Variants in RASAL2 observed in about 807,000 individuals in gnomAD.
RASAL2 encodes ras GTPase-activating protein nGAP.
In RASAL2, 58 loss-of-function variants were observed where a neutral mutation model predicts 128.9. The ratio of observed to expected loss-of-function variants is 0.45; its 90% confidence interval spans 0.36 to 0.56. The LOEUF (loss-of-function observed/expected upper bound fraction) is 0.56. RASAL2 is among the 20% of genes least tolerant of loss of function. The pLI is 0.00. For synonymous variants in RASAL2, 561 were observed against 580.8 expected (o/e 0.97, Z 0.49); for missense variants, 1,360 against 1,601.6 (o/e 0.85, Z 2.57).
chr1:178,205,648 T>A (rs1336435124), intron 1 of RASAL2, among the ~76,000 whole-genome samples: 2 of 151,846 alleles, frequency 1.3e-5, no homozygotes, highest in Non-Finnish European at 2.9e-5. Context: ...TCCCAGCTAC[T>A]TGGGAGGCTG....
At chr1:178,464,032 G>C (rs887981057) in intron 14 of RASAL2, among the ~76,000 whole-genome samples, 4 of 152,244 alleles carry the variant, frequency 2.6e-5, no homozygotes, top group Non-Finnish European at 5.9e-5. Context: ...TTCTTTAGAG[G>C]GAGAATAAGG....
chr1:178,446,747 G>A (rs1677028947), intron 9 of RASAL2, among the ~76,000 whole-genome samples: 3 of 152,146 alleles, frequency 2.0e-5, no homozygotes, highest in South Asian at 4.1e-4. Context: ...ACCAAAAAGA[G>A]ACATTCTGTG....
At chr1:178,186,084 C>A (rs1044331574) in intron 1 of RASAL2, among the ~76,000 whole-genome samples, 1 of 151,998 alleles carries the variant, frequency 6.6e-6, no homozygotes, top group Non-Finnish European at 1.5e-5. Flanking sequence ...TTAAAGTTAT[C>A]TATTTCTTTT....
At chr1:178,320,113 A>G (rs907708772) in intron 3 of RASAL2, among the ~76,000 whole-genome samples, 119 of 152,000 alleles carry the variant, frequency 7.8e-4, no homozygotes, top group Admixed American at 2.9e-3. Context: ...CTCGGGGGTC[A>G]GGGGTCAGGG....
At chr1:178,336,147 G>A (rs1042227804) in intron 3 of RASAL2, among the ~76,000 whole-genome samples, 1 of 149,098 alleles carries the variant, frequency 6.7e-6, no homozygotes, top group African/African-American at 2.5e-5. Context: ...TTAGAAGTCT[G>A]TTTTCCTAGG....
At chr1:178,423,878 T>C (rs1305285381) in intron 5 of RASAL2, among the ~76,000 whole-genome samples, 1 of 152,214 alleles carries the variant, frequency 6.6e-6, no homozygotes, top group Non-Finnish European at 1.5e-5. Context: ...TTTTTATTAC[T>C]ACGGATAGTA....
chr1:178,406,124 A>G (rs1268905025), intron 4 of RASAL2, among the ~76,000 whole-genome samples: 1 of 152,210 alleles, frequency 6.6e-6, no homozygotes, highest in African/African-American at 2.4e-5. Flanking sequence ...TTTCCAAACC[A>G]TATGTCCACA....
chr1:178,299,126 T>C (rs1667648040), intron 2 of RASAL2, among the ~76,000 whole-genome samples: 1 of 152,198 alleles, frequency 6.6e-6, no homozygotes, highest in South Asian at 2.1e-4. Context: ...ATAAAAACAC[T>C]CTTACCTTTG....
chr1:178,244,058 G>T (rs1427277714), intron 1 of RASAL2, among the ~76,000 whole-genome samples: 2 of 151,958 alleles, frequency 1.3e-5, no homozygotes, highest in African/African-American at 4.8e-5. Context: ...ACTTTCATTG[G>T]CTCTGTGAAA....
At chr1:178,299,898 A>C (rs1667686711) in intron 2 of RASAL2, 94 bp from the exon 3 acceptor site, 1 of 1,298,992 alleles carries the variant, frequency 7.7e-7, no homozygotes, top group South Asian at 1.4e-5. Context: ...TTTGTTACAC[A>C]CTCCTGTCTT....
At chr1:178,268,348 G>A (rs530961880) in intron 1 of RASAL2, among the ~76,000 whole-genome samples, 13 of 152,046 alleles carry the variant, frequency 8.6e-5, no homozygotes, top group African/African-American at 2.7e-4. Context: ...AGCACCTGTA[G>A]TCCCAGCTAC....
At chr1:178,207,388 C>T (rs927214427) in intron 1 of RASAL2, among the ~76,000 whole-genome samples, 1 of 151,956 alleles carries the variant, frequency 6.6e-6, no homozygotes, top group Non-Finnish European at 1.5e-5. Flanking sequence ...AACACAAATA[C>T]AAAATACGGT....
chr1:178,311,799 A>G (rs1668265685), intron 3 of RASAL2, among the ~76,000 whole-genome samples: 1 of 152,010 alleles, frequency 6.6e-6, no homozygotes, highest in South Asian at 2.1e-4. Flanking sequence ...GAAAAGCCTG[A>G]AAGAGAGAGA....
intron 15 of RASAL2, among the ~76,000 whole-genome samples, chr1:178,464,713 G>A (rs1647469235): frequency 1.3e-5 from 2 of 150,972 alleles, no homozygotes; most frequent in Non-Finnish European, 2.9e-5. Flanking sequence ...AGTCATTTTA[G>A]GTAAATATTT....
chr1:178,263,419 A>G (rs1004043083), intron 1 of RASAL2, among the ~76,000 whole-genome samples: 4 of 152,330 alleles, frequency 2.6e-5, no homozygotes, highest in African/African-American at 9.6e-5. Context: ...GAAGTTAAGT[A>G]TCTTGACTAG....
At chr1:178,365,352 CTTT>C (rs891990972) in intron 3 of RASAL2, among the ~76,000 whole-genome samples, 7 of 152,020 alleles carry the variant, frequency 4.6e-5, no homozygotes, top group Non-Finnish European at 1.0e-4. Context: ...CTTTAAGCTT[CTTT>C]GAGGAAAAGT....
rs1031548961 is a variant in RASAL2 at position 178,478,841 on chromosome 1, A to G, written c.*5602A>G. On this transcript the variant is annotated 3_prime_UTR_variant, in exon 18 of 18. Transcript: ENST00000367649. ...CTACAAAGAATACAAATAAACTTTA[A>G]CTTTAAACATTTCAGACTAAAGTTG... 3.3e-5 allele frequency: 5 copies of G among 152,212 alleles called. No individual in the cohort carries two copies. Among genetic ancestry groups the G allele is most frequent in the African/African-American group, 1.2e-4 (5 of 41,450 alleles). The allele number at this position is 152,212 out of a possible 1,614,324, so 9.4% of individuals were successfully genotyped here.
intron 3 of RASAL2, among the ~76,000 whole-genome samples, chr1:178,328,868 G>C (rs1323389928): frequency 6.6e-6 from 1 of 152,146 alleles, no homozygotes; most frequent in Non-Finnish European, 1.5e-5. Context: ...CGGGTTATGA[G>C]TGACTTATAA....
At chr1:178,173,056 C>T (rs774810635) in intron 1 of RASAL2, among the ~76,000 whole-genome samples, 1 of 152,038 alleles carries the variant, frequency 6.6e-6, no homozygotes, top group Non-Finnish European at 1.5e-5. Flanking sequence ...TGTGGTTGGA[C>T]GTTTGTCACT....
Sources: allele counts gnomAD v4.1 joint callset (sites outside exome capture counted in the v4.1 genomes callset), GRCh38; gene constraint gnomAD v4.1.1; transcripts MANE v1.5; gene names NCBI Gene and HGNC (gene_info 2026-07-23, HGNC 2026-07-21).